The following MARCHF11 variants were observed in gnomAD, a reference collection of about 807,000 sequenced individuals.
MARCHF11 encodes the protein E3 ubiquitin-protein ligase MARCHF11.
MARCHF11 carries 29 observed loss-of-function variants against 37.3 expected under a neutral mutation model. The ratio of observed to expected loss-of-function variants is 0.78; its 90% CI spans 0.58 to 1.06. The LOEUF is 1.06. Ranked by LOEUF, MARCHF11 falls within the 50% of genes least tolerant of loss-of-function variation. The pLI, the probability that MARCHF11 is intolerant of heterozygous loss-of-function variation, is 0.00. For missense variants in MARCHF11, 482 were observed against 533.4 expected (o/e 0.90, Z 0.95); for synonymous variants, 233 against 228.0 (o/e 1.02, Z -0.20).
chr5:16,176,771 T>C (rs1250470174), intron 2 of MARCHF11, among the ~76,000 whole-genome samples: 1 of 152,168 alleles, frequency 6.6e-6, no homozygotes, highest in Non-Finnish European at 1.5e-5. Context: ...AAAACTAAAT[T>C]GGGTGATTTA....
In MARCHF11 at chr5:16,089,744, T is replaced by C. The variant is rs938545672; in HGVS notation, c.886+1145A>G. Among the ~76,000 whole-genome samples the C allele has an allele frequency of 2.0e-4, 30 of 152,238 alleles. 1 individual carries two copies. Among genetic ancestry groups the C allele is most frequent in the African/African-American group, 7.2e-4 (30 of 41,462 alleles). On this transcript the variant is annotated intron_variant, in intron 3 of 3. Transcript: ENST00000332432. ...TTAAGTTGAAGTGATCTCAAAGTTATTCAATGTTTCCAACTTAATCAAATA... is the reference window on the plus strand; with the variant it reads ...TTAAGTTGAAGTGATCTCAAAGTTACTCAATGTTTCCAACTTAATCAAATA...
In MARCHF11 at chr5:16,105,436, GT is replaced by G. The variant is rs575277697; in HGVS notation, c.694-14356del. Among the ~76,000 whole-genome samples, 451 of 152,256 alleles carry G rather than the reference GT, an allele frequency of 3.0e-3. 6 individuals are homozygous for G. The highest frequency in any genetic ancestry group is 9.8e-3 in the African/African-American group (408 of 41,548). On this transcript the variant is annotated intron_variant, in intron 2 of 3. Transcript: ENST00000332432. The stretch of plus-strand genomic sequence containing the variant: ...TCCTTTAGTTTTCCCATCAATAAGG[GT>G]TTTATGGTATTAATAAAGAACAAGC...
At position 16,134,058 on chromosome 5, in the gene MARCHF11, A is replaced by T. The variant is rs539068407; in HGVS notation, c.694-42977T>A. 8.5e-5 allele frequency among the ~76,000 whole-genome samples: 13 copies of T among 152,312 alleles called. No individual in the cohort carries two copies. The South Asian group carries it at 1.9e-3, about 22-fold the overall frequency. ...TAGTCAACTCTATTGATAAAAAGAA[A>T]CAATCGTTAAAGCAATGGAGTGTCA... On this transcript the variant is annotated intron_variant, in intron 2 of 3. Transcript: ENST00000332432.
chr5:16,160,375 AAATATAAT>A (rs1473511616), intron 2 of MARCHF11, among the ~76,000 whole-genome samples: 8 of 144,894 alleles, frequency 5.5e-5, no homozygotes, highest in African/African-American at 1.7e-4. Flanking sequence ...TATAAATATT[AAATATAAT>A]AATATAATAT....
chr5:16,068,940 A>T (rs1365649745), intron 3 of MARCHF11, among the ~76,000 whole-genome samples: 3 of 152,248 alleles, frequency 2.0e-5, no homozygotes, highest in African/African-American at 7.2e-5. Flanking sequence ...GATAAATTTA[A>T]AAATGAGCAG....
At chr5:16,082,843 T>C (rs529288173) in intron 3 of MARCHF11, among the ~76,000 whole-genome samples, 1 of 152,236 alleles carries the variant, frequency 6.6e-6, no homozygotes, top group East Asian at 1.9e-4. Flanking sequence ...AAACTCAAAA[T>C]GAGATAGACA....
chr5:16,124,961 T>C (rs1737377358), intron 2 of MARCHF11, among the ~76,000 whole-genome samples: 1 of 151,508 alleles, frequency 6.6e-6, no homozygotes, highest in South Asian at 2.1e-4. Flanking sequence ...GATTAGATTG[T>C]CATTATTTTC....
chr5:16,177,611 A>AT, intron 2 of MARCHF11, 115 bp downstream of exon 2: 1 of 912,982 alleles, frequency 1.1e-6, no homozygotes, highest in Non-Finnish European at 1.5e-6. Context: ...TTTTAGTGTA[A>AT]TTTTCACAAA....
At chr5:16,141,850 G>A (rs1243888659) in intron 2 of MARCHF11, among the ~76,000 whole-genome samples, 1 of 152,222 alleles carries the variant, frequency 6.6e-6, no homozygotes, top group Non-Finnish European at 1.5e-5. Context: ...GCACTTTGCA[G>A]TATCCAAGTA....
intron 2 of MARCHF11, among the ~76,000 whole-genome samples, chr5:16,125,896 G>T (rs779374663): frequency 6.6e-6 from 1 of 152,170 alleles, no homozygotes; most frequent in African/African-American, 2.4e-5. Context: ...CATAAGAAAG[G>T]CACAGCAAAG....
At position 16,067,690 on chromosome 5, in the gene MARCHF11, G is replaced by A. The variant is rs370646944; in HGVS notation, c.990C>T (p.Ile330=). ...AAGACTCTCCCCGGCTGCTTTCTTC[G>A]ATGTCTGTGGCTTTGTCATAATTTA... ...DVLNYDKATD[I]EESSRGESST... The change falls in exon 4 of 4, where the codon ATC becomes ATT. Residue 330 remains isoleucine (I), a synonymous_variant. Coordinates refer to ENST00000332432, the MANE Select transcript of MARCHF11 (RefSeq NM_001102562.3). The A allele has an allele frequency of 6.8e-6, 11 of 1,613,782 alleles. No homozygotes were observed. The highest frequency in any genetic ancestry group is 2.7e-5 in the African/African-American group (2 of 74,890).
intron 2 of MARCHF11, among the ~76,000 whole-genome samples, chr5:16,177,093 G>T (rs1738376882): frequency 6.6e-6 from 1 of 152,178 alleles, no homozygotes; most frequent in South Asian, 2.1e-4. Context: ...TACACAAAAA[G>T]TTTAAGAATA....
intron 2 of MARCHF11, among the ~76,000 whole-genome samples, chr5:16,139,859 A>G (rs1737672044): frequency 6.6e-6 from 1 of 152,204 alleles, no homozygotes; most frequent in Non-Finnish European, 1.5e-5. Context: ...ATGGAATTAC[A>G]TGTCTTAAAA....
At chr5:16,141,054 T>A (rs952270173) in intron 2 of MARCHF11, 1 of 152,398 alleles carries the variant, frequency 6.6e-6, no homozygotes, top group African/African-American at 2.4e-5. Context: ...GTACAGGATG[T>A]GGGGGCTGGG....
rs116497503 is a variant in MARCHF11 at position 16,075,191 on chromosome 5, G to A, written c.887-7398C>T. Among the ~76,000 whole-genome samples the A allele has an allele frequency of 5.9e-3, 899 of 152,320 alleles. 8 individuals carry two copies. Among genetic ancestry groups the A allele is most frequent in the African/African-American group, 0.02 (840 of 41,586 alleles). On this transcript the variant is annotated intron_variant, in intron 3 of 3. Transcript: ENST00000332432. The stretch of plus-strand genomic sequence containing the variant: ...CGTCAATTAAACCAGAAGCCTAGGA[G>A]ACAACACAACTCCTCTCTGCTCTTG...
intron 2 of MARCHF11, among the ~76,000 whole-genome samples, chr5:16,122,370 C>T (rs1243172480): frequency 6.6e-6 from 1 of 152,170 alleles, no homozygotes; most frequent in Non-Finnish European, 1.5e-5. Context: ...CACCTACTGT[C>T]CAAGTTCCAG....
At chr5:16,168,769 G>A (rs1738210666) in intron 2 of MARCHF11, among the ~76,000 whole-genome samples, 1 of 152,044 alleles carries the variant, frequency 6.6e-6, no homozygotes. Context: ...AGAGATGGAA[G>A]AAGGATAAGA....
In MARCHF11 at chr5:16,073,982, T is replaced by C. The variant is rs372920424; in HGVS notation, c.887-6189A>G. 4.6e-5 allele frequency among the ~76,000 whole-genome samples: 7 copies of C among 152,112 alleles called. No individual in the cohort carries two copies. The East Asian group carries it at 9.6e-4, about 21-fold the overall frequency. On this transcript the variant is annotated intron_variant, in intron 3 of 3. Transcript: ENST00000332432. ...TCAGCACATGAAACATTCTCCAAGA[T>C]AGACCATATGATAGGCCACAGAACA...
intron 2 of MARCHF11, among the ~76,000 whole-genome samples, chr5:16,114,033 G>A (rs189021325): frequency 6.6e-5 from 10 of 151,198 alleles, no homozygotes; most frequent in South Asian, 2.1e-4. Flanking sequence ...ATATGATTGC[G>A]AAAATGTGAT....
Sources: allele counts gnomAD v4.1 joint callset (sites outside exome capture counted in the v4.1 genomes callset), GRCh38; gene constraint gnomAD v4.1.1; transcripts MANE v1.5; gene names NCBI Gene and HGNC (gene_info 2026-07-23, HGNC 2026-07-21).